SLC25A21: variants seen among roughly 807,000 people sequenced by gnomAD.
SLC25A21 encodes the protein solute carrier family 25 member 21, also known as mitochondrial 2-oxodicarboxylate carrier.
A neutral mutation model predicts 43.8 loss-of-function variants in SLC25A21; 47 were observed. That is an observed-to-expected ratio of 1.07 (90% CI 0.85 to 1.37). The LOEUF (loss-of-function observed/expected upper bound fraction) is 1.37. Ranked by LOEUF, SLC25A21 falls within the 40% of genes most tolerant of loss-of-function variation. The probability of loss-of-function intolerance (pLI) is 0.00; values close to 1 mark genes in which losing one functional copy is unlikely to be tolerated. For missense variants in SLC25A21, 352 were observed against 350.2 expected, an observed-to-expected ratio of 1.00 and a Z score of -0.04; for synonymous variants, 131 against 121.3, an observed-to-expected ratio of 1.08 and a Z score of -0.52.
At chr14:36,839,865 G>C (rs1395962495) in intron 2 of SLC25A21, among the ~76,000 whole-genome samples, 2 of 152,154 alleles carry the variant, frequency 1.3e-5, no homozygotes, top group East Asian at 3.9e-4. Context: ...GTAACACAAT[G>C]GTAAGTATCT....
At chr14:37,051,196 T>A (rs1475649447) in intron 1 of SLC25A21, among the ~76,000 whole-genome samples, 1 of 152,230 alleles carries the variant, frequency 6.6e-6, no homozygotes, top group Non-Finnish European at 1.5e-5. Context: ...ATAAATATTT[T>A]TAAAAGTAAG....
At chr14:36,777,870 G>A (rs1886894074) in intron 3 of SLC25A21, among the ~76,000 whole-genome samples, 1 of 152,154 alleles carries the variant, frequency 6.6e-6, no homozygotes, top group Non-Finnish European at 1.5e-5. Context: ...TAATGATTTT[G>A]TTCTGTTTAA....
At chr14:36,823,187 C>CA (rs761054000) in intron 2 of SLC25A21, among the ~76,000 whole-genome samples, 6 of 152,032 alleles carry the variant, frequency 3.9e-5, no homozygotes, top group Non-Finnish European at 5.9e-5. Flanking sequence ...TGCTAGTTAA[C>CA]AAGTCAGAGG....
intron 1 of SLC25A21, among the ~76,000 whole-genome samples, chr14:36,958,679 GCACACACA>G (rs71124786): frequency 0.29 from 39,728 of 136,658 alleles, 5,657 homozygotes; most frequent in African/African-American, 0.34. Context: ...AAGCACACGT[GCACACACA>G]CACACACACA....
Position 37,143,641 on chromosome 14 carries a change from C to T in SLC25A21, c.70+28640G>A, listed in dbSNP as rs560093056. 2.4e-3 allele frequency among the ~76,000 whole-genome samples: 363 copies of T among 149,332 alleles called. 1 individual carries two copies. The highest frequency in any genetic ancestry group is 8.9e-3 in the African/African-American group (356 of 39,908). On this transcript the variant is annotated intron_variant, in intron 1 of 9. Transcript: ENST00000331299. The stretch of plus-strand genomic sequence containing the variant: ...GTGTCTGTAATTTGTTTAAGAGGAA[C>T]AAGTATGAAAGGGGAAGAAGGCATT...
chr14:36,680,000 T>C lies in SLC25A21; in HGVS notation c.*658A>G, dbSNP rs1190151351. On this transcript the variant is annotated 3_prime_UTR_variant, in exon 10 of 10. Transcript: ENST00000331299. Reference sequence around the variant, plus strand: ...TTTAAACAATGTTTTAAAATACCTATTTATTATCTTACAGCAATATGAGAT... The same window carrying C: ...TTTAAACAATGTTTTAAAATACCTACTTATTATCTTACAGCAATATGAGAT... 2.1e-5 allele frequency: 17 copies of C among 812,124 alleles called. No individual in the cohort carries two copies. The highest frequency in any genetic ancestry group is 2.6e-5 in the African/African-American group (1 of 39,188). The allele number at this position is 812,124 out of a possible 1,614,324, so 50.3% of individuals were successfully genotyped here.
At chr14:36,774,142 T>C (rs946446741) in intron 3 of SLC25A21, among the ~76,000 whole-genome samples, 5 of 152,238 alleles carry the variant, frequency 3.3e-5, no homozygotes, top group African/African-American at 1.2e-4. Flanking sequence ...CAGTGATTTA[T>C]GTAGTTGTTA....
intron 5 of SLC25A21, among the ~76,000 whole-genome samples, chr14:36,726,545 C>G (rs2139214648): frequency 6.6e-6 from 1 of 152,220 alleles, no homozygotes; most frequent in African/African-American, 2.4e-5. Context: ...GAAAACTTAT[C>G]AAAAGGTGAC....
rs187843932 is a variant in SLC25A21 at position 37,040,252 on chromosome 14, G to A, written c.70+132029C>T. On this transcript the variant is annotated intron_variant, in intron 1 of 9. Transcript: ENST00000331299. Reference sequence around the variant, plus strand: ...AAAGAAAGGGAGGAAGGGAGGAAGGGAGGGAGGGAGGGAGGGAGGAAGGAA... The same window carrying A: ...AAAGAAAGGGAGGAAGGGAGGAAGGAAGGGAGGGAGGGAGGGAGGAAGGAA... 6.1e-4 allele frequency among the ~76,000 whole-genome samples: 9 copies of A among 14,842 alleles called. 1 individual carries two copies. The African/African-American group carries it at 9.2e-3, about 15-fold the overall frequency. The allele number at this position is 14,842 out of a possible 152,430, so 9.7% of individuals were successfully genotyped here.
rs1032203721 is a variant in SLC25A21, at chr14:36,680,232, T to A, written c.*426A>T. 1.1e-6 allele frequency: 1 copy of A among 916,010 alleles called. No homozygotes were observed. The highest frequency in any genetic ancestry group is 1.3e-6 in the Non-Finnish European group (1 of 767,428). The allele number at this position is 916,010 out of a possible 1,614,324, so 56.7% of individuals were successfully genotyped here. A position where few individuals can be genotyped will look rare whatever the true frequency, so the allele number is the denominator to read the frequency against. On this transcript the variant is annotated 3_prime_UTR_variant, in exon 10 of 10. Transcript: ENST00000331299. ...AAAACTGCTTAAATTTTGGCTTAACTTTTTTTTAATCCAGTCTTTGAATAA... is the reference window on the plus strand; with the variant it reads ...AAAACTGCTTAAATTTTGGCTTAACATTTTTTTAATCCAGTCTTTGAATAA...
intron 1 of SLC25A21, among the ~76,000 whole-genome samples, chr14:36,926,858 G>T (rs1892146914): frequency 6.6e-6 from 1 of 152,118 alleles, no homozygotes; most frequent in Admixed American, 6.5e-5. Context: ...TAGTAATTCT[G>T]TATCACTTAA....
At chr14:37,042,547 T>C (rs1336735216) in intron 1 of SLC25A21, among the ~76,000 whole-genome samples, 1 of 152,220 alleles carries the variant, frequency 6.6e-6, no homozygotes, top group Non-Finnish European at 1.5e-5. Context: ...ACTCTTTAGA[T>C]ATAACTTGAT....
chr14:37,053,642 C>T (rs1303969392), intron 1 of SLC25A21, among the ~76,000 whole-genome samples: 4 of 152,024 alleles, frequency 2.6e-5, no homozygotes, highest in Non-Finnish European at 2.9e-5. Flanking sequence ...TAAAAGATAC[C>T]AGAAACTTCC....
chr14:37,067,985 T>A (rs1962094819), intron 1 of SLC25A21, among the ~76,000 whole-genome samples: 1 of 152,258 alleles, frequency 6.6e-6, no homozygotes. Context: ...TAGCCCACCA[T>A]CTGTTTTGTC....
At chr14:36,799,196 G>C (rs534243147) in intron 3 of SLC25A21, among the ~76,000 whole-genome samples, 1 of 152,286 alleles carries the variant, frequency 6.6e-6, no homozygotes, top group East Asian at 1.9e-4. Context: ...AGGAGGTGTA[G>C]CAAAAAGATT....
chr14:37,033,586 T>C (rs180926299), intron 1 of SLC25A21, among the ~76,000 whole-genome samples: 24 of 152,322 alleles, frequency 1.6e-4, no homozygotes, highest in Admixed American at 1.5e-3. Flanking sequence ...TGAAAATCAG[T>C]CTATGGGTCT....
intron 3 of SLC25A21, among the ~76,000 whole-genome samples, chr14:36,783,559 G>A (rs1313215592): frequency 6.6e-6 from 1 of 152,138 alleles, no homozygotes; most frequent in Non-Finnish European, 1.5e-5. Flanking sequence ...GGAGAGCCAG[G>A]CACTCACTCA....
At chr14:36,860,439 A>G (rs1890034771) in intron 2 of SLC25A21, among the ~76,000 whole-genome samples, 1 of 152,222 alleles carries the variant, frequency 6.6e-6, no homozygotes, top group African/African-American at 2.4e-5. Flanking sequence ...GAGCAGCTCC[A>G]TTGACTTGCA....
chr14:37,035,413 T>A (rs1199406878), intron 1 of SLC25A21, among the ~76,000 whole-genome samples: 1 of 152,226 alleles, frequency 6.6e-6, no homozygotes, highest in Non-Finnish European at 1.5e-5. Context: ...ATAAATGGAT[T>A]ATCAAAATGC....
Sources: gnomAD v4.1 joint callset for allele counts (sites outside exome capture counted in the v4.1 genomes callset) on GRCh38, gnomAD v4.1.1 for gene constraint, MANE v1.5 for transcripts, NCBI Gene and HGNC (gene_info 2026-07-23, HGNC 2026-07-21) for gene names.